The following TRPM3 variants were observed in gnomAD, a reference collection of about 807,000 sequenced individuals.
The protein encoded by TRPM3 is long transient receptor potential channel 3.
Under a neutral mutation model 181.2 loss-of-function variants are expected in TRPM3, and 77 were observed. The observed-to-expected ratio is 0.42, with a 90% confidence interval of 0.35 to 0.51. TRPM3 has a LOEUF of 0.51. Among genes scored for constraint, TRPM3 ranks in the 20% least tolerant of loss-of-function variants. The pLI is 0.01. For missense variants in TRPM3, 1,759 were observed against 2,196.7 expected, an observed-to-expected ratio of 0.80 and a Z score of 3.98; for synonymous variants, 745 against 796.4, an observed-to-expected ratio of 0.94 and a Z score of 1.09.
chr9:70,613,566 G>A (rs1407468344), intron 18 of TRPM3, among the ~76,000 whole-genome samples: 3 of 152,206 alleles, frequency 2.0e-5, no homozygotes, highest in African/African-American at 7.2e-5. Context: ...TGCCTGAGCA[G>A]TGACAGAATT....
At chr9:70,953,259 CA>C (rs1171267081) in intron 1 of TRPM3, among the ~76,000 whole-genome samples, 1 of 152,090 alleles carries the variant, frequency 6.6e-6, no homozygotes, top group African/African-American at 2.4e-5. Context: ...GTTACTTAAC[CA>C]TTTGAAGCCC....
chr9:70,610,882 T>A (rs183126068), intron 18 of TRPM3, 133 bp from the exon 19 acceptor site: 3 of 1,084,844 alleles, frequency 2.8e-6, no homozygotes, highest in Admixed American at 4.9e-5. Context: ...TTAGAGGTTG[T>A]ACCTTCCCTA....
chr9:70,571,759 T>G (rs2052460412), intron 22 of TRPM3, among the ~76,000 whole-genome samples: 1 of 152,186 alleles, frequency 6.6e-6, no homozygotes, highest in Admixed American at 6.5e-5. Flanking sequence ...TAGAAAGCAC[T>G]ATGTAAGTAT....
In TRPM3 at chr9:71,173,728, A is replaced by G. The variant is rs1172575739; in HGVS notation, c.183+272925T>C. On this transcript the variant is annotated intron_variant, in intron 1 of 24. Transcript: ENST00000357533. ...ACGCCCACATTTCTTTTCTACATTC[A>G]TCTAAGGTAAGGATGATATTGAAAT... 7.9e-5 allele frequency among the ~76,000 whole-genome samples: 12 copies of G among 152,346 alleles called. No homozygotes were observed. The East Asian group carries it at 2.3e-3, about 29-fold the overall frequency.
chr9:70,858,860 G>A (rs2095451736), intron 3 of TRPM3, among the ~76,000 whole-genome samples: 1 of 152,194 alleles, frequency 6.6e-6, no homozygotes. Flanking sequence ...CAATGGGACA[G>A]TGGAGTCTTG....
chr9:70,906,755 T>C (rs879924117), intron 1 of TRPM3, among the ~76,000 whole-genome samples: 5 of 151,922 alleles, frequency 3.3e-5, no homozygotes, highest in Non-Finnish European at 5.9e-5. Context: ...ATACAAAAAA[T>C]AGCTGGGCGC....
At chr9:70,813,617 C>T (rs1029484808) in intron 6 of TRPM3, among the ~76,000 whole-genome samples, 1 of 152,082 alleles carries the variant, frequency 6.6e-6, no homozygotes. Flanking sequence ...GCAATATACG[C>T]TTGTAACAAA....
At chr9:70,841,012 A>G (rs1005613909) in intron 5 of TRPM3, among the ~76,000 whole-genome samples, 24 of 152,296 alleles carry the variant, frequency 1.6e-4, no homozygotes, top group African/African-American at 5.3e-4. Context: ...TTGAATCAAC[A>G]CATTTTAAAG....
chr9:70,990,234 C>T (rs960615384), intron 1 of TRPM3, among the ~76,000 whole-genome samples: 3 of 152,082 alleles, frequency 2.0e-5, no homozygotes, highest in Admixed American at 6.6e-5. Context: ...GCAGGGCCCT[C>T]GTGTCAAAGA....
chr9:71,127,038 T>C (rs2074076292), intron 1 of TRPM3, among the ~76,000 whole-genome samples: 1 of 150,350 alleles, frequency 6.7e-6, no homozygotes, highest in Non-Finnish European at 1.5e-5. Flanking sequence ...TTAATCATTC[T>C]TCACGTGATG....
intron 1 of TRPM3, among the ~76,000 whole-genome samples, chr9:71,337,497 C>G (rs2090643168): frequency 6.6e-6 from 1 of 152,038 alleles, no homozygotes; most frequent in East Asian, 1.9e-4. Flanking sequence ...ACTAGTTCAA[C>G]CATTGTGGAA....
rs903374657 is a variant in TRPM3, at chr9:70,603,255, A to C, written c.2796+87T>G. On this transcript the variant is annotated intron_variant, in intron 20 of 25. Transcript: ENST00000677713. ...GAAAACAGTTTCCGGCTTAATTTGC[A>C]TCCCAGGCATCTTCCTGTCCCCTCC... The C allele has an allele frequency of 4.0e-6, 6 of 1,481,808 alleles. No homozygotes were observed. In the African/African-American group the frequency reaches 8.4e-5, roughly 21 times the overall value. 91.8% of individuals were successfully genotyped at this position (1,481,808 alleles called of 1,614,324 possible).
At chr9:71,188,092 T>A (rs534534755) in intron 1 of TRPM3, among the ~76,000 whole-genome samples, 1 of 152,072 alleles carries the variant, frequency 6.6e-6, no homozygotes, top group Admixed American at 6.6e-5. Flanking sequence ...TTGCACACCT[T>A]CCTGTGGGCA....
In TRPM3 at chr9:70,566,361, C is replaced by A. The variant is rs886649067; in HGVS notation, c.3224-13051G>T. Among the ~76,000 whole-genome samples, 5 of 151,986 alleles carry A rather than the reference C, an allele frequency of 3.3e-5. 1 individual carries two copies. Among genetic ancestry groups the A allele is most frequent in the Admixed American group, 6.6e-5 (1 of 15,256 alleles). On this transcript the variant is annotated intron_variant, in intron 22 of 25. Coordinates refer to ENST00000677713, the MANE Select transcript of TRPM3 (RefSeq NM_001366145.2). Reference sequence around the variant, plus strand: ...ACCAGGCACTGCTTAGAGCTACATCCTGTGAGCACAAGAAGGTCCCTGGTC... The same window carrying A: ...ACCAGGCACTGCTTAGAGCTACATCATGTGAGCACAAGAAGGTCCCTGGTC...
intron 8 of TRPM3, among the ~76,000 whole-genome samples, chr9:70,686,694 C>CCTTCCTTCCTTCCTTCT (rs1563994532): frequency 1.0e-4 from 6 of 59,804 alleles, no homozygotes; most frequent in African/African-American, 4.0e-4. Flanking sequence ...TCTTTCCTTC[C>CCTTCCTTCCTTCCTTCT]TTCCTTCCTT....
intron 1 of TRPM3, among the ~76,000 whole-genome samples, chr9:70,940,478 T>C (rs2096875193): frequency 6.6e-6 from 1 of 152,210 alleles, no homozygotes; most frequent in South Asian, 2.1e-4. Context: ...TCGATTCAAA[T>C]ATTCCTGGAG....
intron 1 of TRPM3, among the ~76,000 whole-genome samples, chr9:71,210,312 C>T (rs1210404678): frequency 6.6e-6 from 1 of 152,166 alleles, no homozygotes; most frequent in Middle Eastern, 3.2e-3. Flanking sequence ...AAGCTCAGGG[C>T]TCTCACTGAT....
intron 1 of TRPM3, among the ~76,000 whole-genome samples, chr9:70,923,054 A>G (rs1041103150): frequency 1.3e-5 from 2 of 152,132 alleles, no homozygotes; most frequent in Non-Finnish European, 2.9e-5. Context: ...TTCCAAATGG[A>G]GTGGACTATT....
chr9:71,305,486 G>C lies in TRPM3; in HGVS notation c.183+141167C>G, dbSNP rs147198479. ...GTTGGTACTTTTCTCCAGTGTAAAG[G>C]TCTGGTAAATAAAATTACAAGAAAA... On this transcript the variant is annotated intron_variant, in intron 1 of 24. Coordinates refer to the TRPM3 transcript ENST00000357533. Among the ~76,000 whole-genome samples, 718 of 152,232 alleles carry C rather than the reference G, an allele frequency of 4.7e-3. 6 individuals carry two copies. Among genetic ancestry groups the C allele is most frequent in the African/African-American group, 0.017 (687 of 41,556 alleles).
Sources: allele counts gnomAD v4.1 joint callset (sites outside exome capture counted in the v4.1 genomes callset), GRCh38; gene constraint gnomAD v4.1.1; transcripts MANE v1.5; gene names NCBI Gene and HGNC (gene_info 2026-07-23, HGNC 2026-07-21).